The following TMEM244 variants were observed in gnomAD, a reference collection of about 807,000 sequenced individuals.
The protein encoded by TMEM244 is transmembrane protein 244.
Under a neutral mutation model 15.8 loss-of-function variants are expected in TMEM244, and 13 were observed. The observed-to-expected ratio is 0.82, with a 90% CI of 0.53 to 1.30. The LOEUF (loss-of-function observed/expected upper bound fraction) is 1.30. Among genes scored for constraint, TMEM244 ranks in the 50% most tolerant of loss-of-function variants. The pLI is 0.00. For synonymous variants in TMEM244, 45 were observed against 48.7 expected, an observed-to-expected ratio of 0.92 and a Z score of 0.32; for missense variants, 161 against 144.9, an observed-to-expected ratio of 1.11 and a Z score of -0.57.
intron 3 of TMEM244, among the ~76,000 whole-genome samples, chr6:129,840,179 A>G (rs1189041586): frequency 2.0e-5 from 3 of 152,246 alleles, no homozygotes; most frequent in Non-Finnish European, 4.4e-5. Context: ...ACTTCAAACT[A>G]TGCTACACAG....
intron 1 of TMEM244, among the ~76,000 whole-genome samples, chr6:129,846,909 T>C (rs1464962124): frequency 6.6e-6 from 1 of 152,172 alleles, no homozygotes; most frequent in Non-Finnish European, 1.5e-5. Flanking sequence ...AAAGATTATT[T>C]GACAAATGGT....
chr6:129,849,801 G>A (rs1380319873), intron 1 of TMEM244, among the ~76,000 whole-genome samples: 1 of 152,024 alleles, frequency 6.6e-6, no homozygotes, highest in Non-Finnish European at 1.5e-5. Flanking sequence ...AGGAGAAGAG[G>A]TATTATTGAG....
chr6:129,855,233 CT>C (rs1355748054), intron 1 of TMEM244, among the ~76,000 whole-genome samples: 1 of 152,180 alleles, frequency 6.6e-6, no homozygotes, highest in Non-Finnish European at 1.5e-5. Flanking sequence ...CATACCCAAA[CT>C]TCATAGACAC....
chr6:129,841,393 G>A (rs1056264201), intron 3 of TMEM244, among the ~76,000 whole-genome samples: 3 of 141,914 alleles, frequency 2.1e-5, no homozygotes, highest in African/African-American at 5.2e-5. Flanking sequence ...GACACAGGGC[G>A]AGGAACATCA....
chr6:129,850,587 A>T (rs1035852745), intron 1 of TMEM244, among the ~76,000 whole-genome samples: 2 of 152,250 alleles, frequency 1.3e-5, no homozygotes, highest in African/African-American at 4.8e-5. Flanking sequence ...TTGATGATCT[A>T]GCCCAGTGCT....
intron 2 of TMEM244, among the ~76,000 whole-genome samples, chr6:129,844,425 T>G (rs893467088): frequency 2.6e-5 from 4 of 152,202 alleles, no homozygotes; most frequent in Non-Finnish European, 4.4e-5. Context: ...AACCGTGCAC[T>G]TGGGCAAGTC....
intron 3 of TMEM244, among the ~76,000 whole-genome samples, chr6:129,839,008 G>C (rs1776448713): frequency 6.6e-6 from 1 of 152,122 alleles, no homozygotes; most frequent in African/African-American, 2.4e-5. Flanking sequence ...GTACAAAGAG[G>C]AGCTGGTACC....
Position 129,843,651 on chromosome 6 carries a change from A to C in TMEM244, c.120-48T>G, listed in dbSNP as rs561560994. ...CAGTTTACTCTGAATGAGGCAGTTC[A>C]TAACAGCACATCAAAGTGACACACG... On this transcript the variant is annotated intron_variant, in intron 2 of 4. Coordinates refer to ENST00000368143, the MANE Select transcript of TMEM244 (RefSeq NM_001010876.2). 3 of 1,318,128 alleles carry C rather than the reference A, an allele frequency of 2.3e-6. No individual in the cohort carries two copies. The East Asian group carries it at 7.0e-5, about 31-fold the overall frequency. 81.7% of individuals were successfully genotyped at this position (1,318,128 alleles called of 1,614,324 possible). A position where few individuals can be genotyped will look rare whatever the true frequency, so the allele number is the denominator to read the frequency against.
Position 129,860,104 on chromosome 6 carries a change from CGTGTGTGTGTGTGTGTGTGT to C in TMEM244, c.33+1032_33+1051del, listed in dbSNP as rs757397083. ...CTATCTGGATATTTTCTCTGCAATGCGTGTGTGTGTGTGTGTGTGTGTGTGTGTGTGTGTGTGTGTGTGTC... is the reference window on the plus strand; with the variant it reads ...CTATCTGGATATTTTCTCTGCAATGCGTGTGTGTGTGTGTGTGTGTGTGTC... On this transcript the variant is annotated intron_variant, in intron 1 of 4. Coordinates refer to ENST00000368143, the MANE Select transcript of TMEM244 (RefSeq NM_001010876.2). Among the ~76,000 whole-genome samples, 37 of 140,710 alleles carry C rather than the reference CGTGTGTGTGTGTGTGTGTGT, an allele frequency of 2.6e-4. 1 individual carries two copies. The highest frequency in any genetic ancestry group is 9.3e-4 in the African/African-American group (35 of 37,770). 92.3% of individuals were successfully genotyped at this position (140,710 alleles called of 152,430 possible).
chr6:129,853,943 G>T (rs553015397), intron 1 of TMEM244, among the ~76,000 whole-genome samples: 1 of 152,100 alleles, frequency 6.6e-6, no homozygotes, highest in African/African-American at 2.4e-5. Flanking sequence ...GAAAGCTCAG[G>T]TTCATTCCAC....
At chr6:129,859,997 T>A (rs1776777301) in intron 1 of TMEM244, among the ~76,000 whole-genome samples, 2 of 152,188 alleles carry the variant, frequency 1.3e-5, no homozygotes, top group Admixed American at 1.3e-4. Context: ...TTTGAACATA[T>A]TCACTATTCT....
intron 1 of TMEM244, 47 bp from the exon 2 acceptor site, chr6:129,845,899 A>G (rs1776554979): frequency 7.8e-7 from 1 of 1,280,308 alleles, no homozygotes; most frequent in Non-Finnish European, 1.1e-6. Flanking sequence ...GATTTTTCAC[A>G]TGGTCTTTGG....
At position 129,841,864 on chromosome 6, in the gene TMEM244, A is replaced by G. The variant is rs370329146; in HGVS notation, c.193+1666T>C. Among the ~76,000 whole-genome samples, 12 of 152,298 alleles carry G rather than the reference A, an allele frequency of 7.9e-5. No individual in the cohort carries two copies. In the East Asian group the frequency reaches 1.2e-3, roughly 15 times the overall value. On this transcript the variant is annotated intron_variant, in intron 3 of 4. Transcript: ENST00000368143. ...AACCTGACCATAATAAATACATGCC[A>G]AAGTCTCTGAGGTTACTCTTATATT...
chr6:129,852,332 G>A (rs1357470181), intron 1 of TMEM244, among the ~76,000 whole-genome samples: 1 of 152,138 alleles, frequency 6.6e-6, no homozygotes. Context: ...GATGTGGTAA[G>A]GGGTAAGCTT....
In TMEM244 at chr6:129,860,512, T is replaced by A. The variant is rs1193784941; in HGVS notation, c.33+644A>T. 2.0e-5 allele frequency among the ~76,000 whole-genome samples: 3 copies of A among 152,272 alleles called. No homozygotes were observed. In the South Asian group the frequency reaches 6.2e-4, roughly 32 times the overall value. On this transcript the variant is annotated intron_variant, in intron 1 of 4. Transcript: ENST00000368143. ...AATGAATGTAGCACTCACTCATAAT[T>A]GTAATTTAATTTTTAAGTAAAAATC...
chr6:129,838,208 T>C (rs1343675555), intron 3 of TMEM244, among the ~76,000 whole-genome samples: 1 of 152,114 alleles, frequency 6.6e-6, no homozygotes, highest in Non-Finnish European at 1.5e-5. Flanking sequence ...AGAACAGAAA[T>C]CACAACAAAC....
At chr6:129,840,298 T>C (rs763705106) in intron 3 of TMEM244, among the ~76,000 whole-genome samples, 49 of 152,204 alleles carry the variant, frequency 3.2e-4, no homozygotes, top group Non-Finnish European at 6.5e-4. Context: ...CATGTGATCT[T>C]TGACAAACCT....
intron 1 of TMEM244, among the ~76,000 whole-genome samples, chr6:129,857,220 T>C (rs1776724474): frequency 6.6e-6 from 1 of 152,008 alleles, no homozygotes; most frequent in South Asian, 2.1e-4. Flanking sequence ...TAAATAGAGA[T>C]AGTTTTACTT....
chr6:129,843,370 A>T (rs1241338858), intron 3 of TMEM244, among the ~76,000 whole-genome samples, 160 bp downstream of exon 3: 1 of 152,072 alleles, frequency 6.6e-6, no homozygotes, highest in African/African-American at 2.4e-5. Context: ...CAACTTTAAA[A>T]TTTTTGATGG....
Sources: gnomAD v4.1 joint callset for allele counts (sites outside exome capture counted in the v4.1 genomes callset) on GRCh38, gnomAD v4.1.1 for gene constraint, MANE v1.5 for transcripts, NCBI Gene and HGNC (gene_info 2026-07-23, HGNC 2026-07-21) for gene names.